ZNF500: variants seen among roughly 807,000 people sequenced by gnomAD.
ZNF500 encodes the protein zinc finger protein 500.
A neutral mutation model predicts 30.1 loss-of-function variants in ZNF500; 31 were observed. That is an observed-to-expected ratio of 1.03 (90% confidence interval 0.77 to 1.39). The LOEUF is 1.39. ZNF500 is among the 40% of genes most tolerant of loss of function. The probability of loss-of-function intolerance (pLI) is 0.00; values close to 1 mark genes in which losing one functional copy is unlikely to be tolerated. For missense variants in ZNF500, 817 were observed against 657.8 expected, an observed-to-expected ratio of 1.24 and a Z score of -2.65; for synonymous variants, 392 against 282.0, an observed-to-expected ratio of 1.39 and a Z score of -3.91.
At chr16:4,755,594 G>A (rs1449241412) in intron 5 of ZNF500, among the ~76,000 whole-genome samples, 2 of 152,196 alleles carry the variant, frequency 1.3e-5, no homozygotes, top group Admixed American at 1.3e-4. Flanking sequence ...TGAGATCACA[G>A]GGGTGAGCCA....
rs180974383 is a variant in ZNF500, at chr16:4,766,023, C to A, written c.-45G>T. 1.3e-6 allele frequency: 2 copies of A among 1,509,882 alleles called. No homozygotes were observed. The highest frequency in any genetic ancestry group is 2.3e-5 in the East Asian group (1 of 44,144). The allele number at this position is 1,509,882 out of a possible 1,614,324, so 93.5% of individuals were successfully genotyped here. A position where few individuals can be genotyped will look rare whatever the true frequency, so the allele number is the denominator to read the frequency against. On this transcript the variant is annotated 5_prime_UTR_variant, in exon 2 of 6. In the 5' UTR this introduces an upstream ATG that the reference lacks. Coordinates refer to ENST00000219478, the MANE Select transcript of ZNF500 (RefSeq NM_021646.4). ...TCCTTTTCAGGCCTTAGAGTTGAAC[C>A]TGTCTCTCTCTATACCTCTGGCCAG...
rs370103184 is a variant in ZNF500 at position 4,752,808 on chromosome 16, C to A, written c.1011G>T (p.Thr337=). 6.2e-7 allele frequency: 1 copy of A among 1,614,246 alleles called. No homozygotes were observed. The highest frequency in any genetic ancestry group is 8.5e-7 in the Non-Finnish European group (1 of 1,180,040). The change falls in exon 6 of 6, where the codon ACG becomes ACT. Residue 337 remains threonine, a synonymous_variant. Coordinates refer to ENST00000219478, the MANE Select transcript of ZNF500 (RefSeq NM_021646.4). The stretch of plus-strand genomic sequence containing the variant: ...TGCGCTGGTGCTTGGTCAAGTGGGA[C>A]GTCTTGCTGAAGCCTTTGCCACATT... ...CPECGKGFSK[T]SHLTKHQRTH...
At position 4,752,422 on chromosome 16, in the gene ZNF500, G is replaced by A. The variant is rs181865961; in HGVS notation, c.1397C>T (p.Pro466Leu). 1.6e-3 allele frequency: 2,522 copies of A among 1,529,440 alleles called. 25 individuals carry two copies. The highest frequency in any genetic ancestry group is 0.013 in the Admixed American group (620 of 48,606). 94.7% of individuals were successfully genotyped at this position (1,529,440 alleles called of 1,614,324 possible). A position where few individuals can be genotyped will look rare whatever the true frequency, so the allele number is the denominator to read the frequency against. The change falls in exon 6 of 6, where the codon CCG becomes CTG. Residue 466 changes from proline (P) to leucine (L), a missense_variant. Physicochemically the swap from Pro to Leu is moderately conservative, Grantham distance 98. Transcript: ENST00000219478. ...QRTHMGAGSL[P>L]TLQPVAPGGP... ...TCCAGGAGCCACCGGCTGGAGCGTC[G>A]GCAAGGAGCCTGCCCCCATGTGGGT... is the stretch of plus-strand genomic sequence containing the variant.
chr16:4,764,637 C>T (rs35606929), intron 2 of ZNF500, among the ~76,000 whole-genome samples: 89,607 of 151,460 alleles, frequency 0.59, 27,878 homozygotes, highest in South Asian at 0.71. Flanking sequence ...AAAAAATTAG[C>T]CGGGCGTGGT....
Position 4,752,551 on chromosome 16 carries a change from T to C in ZNF500, c.1268A>G (p.His423Arg), listed in dbSNP as rs1441849634. Residue 423 changes from histidine (H) to arginine (R), a missense_variant, in exon 6 of 6, where the codon CAC becomes CGC. By Grantham distance (29) the His-to-Arg change is conservative. Transcript: ENST00000219478. Reference protein sequence around the residue: ...QCGKRFNNSSHFSAHRRTHTG... With the variant: ...QCGKRFNNSSRFSAHRRTHTG... ...GTGCGTCCGGCGGTGGGCGCTGAAG[T>C]GCGAGCTGTTGTTGAAGCGCTTCCC... 3 of 1,570,688 alleles carry C rather than the reference T, an allele frequency of 1.9e-6. No homozygotes were observed. Among genetic ancestry groups the C allele is most frequent in the Non-Finnish European group, 2.6e-6 (3 of 1,161,724 alleles).
chr16:4,744,905 G>T (rs765863181), downstream of ZNF500: 1 of 1,613,862 alleles, frequency 6.2e-7, no homozygotes, highest in South Asian at 1.1e-5. Flanking sequence ...CAGGCTCATG[G>T]AACAGCTGGC....
chr16:4,747,753 C>G, downstream of ZNF500: 1 of 1,265,482 alleles, frequency 7.9e-7, no homozygotes, highest in East Asian at 2.6e-5. Context: ...CAGGGACCCT[C>G]AGACTTTGGA....
At chr16:4,754,677 A>T (rs188153951) in intron 5 of ZNF500, among the ~76,000 whole-genome samples, 129 of 151,532 alleles carry the variant, frequency 8.5e-4, no homozygotes, top group Middle Eastern at 6.8e-3. Flanking sequence ...AAAATAAAAA[A>T]AAAAAAAATA....
intron 5 of ZNF500, 92 bp from the exon 6 acceptor site, chr16:4,753,150 T>C: frequency 6.8e-7 from 1 of 1,462,686 alleles, no homozygotes; most frequent in Non-Finnish European, 9.0e-7. Context: ...ACAGGGCTCC[T>C]AAGGTTCCCC....
At position 4,752,914 on chromosome 16, in the gene ZNF500, A is replaced by C; in HGVS notation, c.905T>G (p.Val302Gly). Residue 302 changes from valine to glycine, a missense_variant, in exon 6 of 6, where the codon GTC becomes GGC. By Grantham distance (109) the Val-to-Gly change is moderately radical (BLOSUM62 -3). Coordinates refer to ENST00000219478, the MANE Select transcript of ZNF500 (RefSeq NM_021646.4). The part of the protein sequence containing the change: ...GQRPAPVRGL[V>G]RPDQPRGGPP... ...GCCGCCTCTTGGCTGATCAGGCCTGACCAAGCCCCTGACTGGGGCTGGCCT... is the reference window on the plus strand; with the variant it reads ...GCCGCCTCTTGGCTGATCAGGCCTGCCCAAGCCCCTGACTGGGGCTGGCCT... 6.2e-7 allele frequency: 1 copy of C among 1,613,810 alleles called. No individual in the cohort carries two copies. Among genetic ancestry groups the C allele is most frequent in the Non-Finnish European group, 8.5e-7 (1 of 1,179,976 alleles).
chr16:4,765,665 T>C lies in ZNF500; in HGVS notation c.314A>G (p.Glu105Gly), dbSNP rs2082256910. 6.2e-7 allele frequency: 1 copy of C among 1,613,366 alleles called. No homozygotes were observed. The highest frequency in any genetic ancestry group is 8.5e-7 in the Non-Finnish European group (1 of 1,179,946). ...CTGCTCGCGTACCCGAGCCTGGATC[T>C]CCCCCGGCAGCACAGTCAGGAACTG... Reference protein sequence around the residue: ...LEQFLTVLPGEIQARVREQQP... With the variant: ...LEQFLTVLPGGIQARVREQQP... The change falls in exon 2 of 6, where the codon GAG becomes GGG. Residue 105 changes from glutamate (E) to glycine (G), a missense_variant. Transcript: ENST00000219478.
chr16:4,763,647 G>C (rs2082232126), intron 2 of ZNF500: 2 of 985,284 alleles, frequency 2.0e-6, no homozygotes, highest in African/African-American at 3.5e-5. Flanking sequence ...AGCACAGCCT[G>C]CCCCTCTCAG....
Position 4,752,967 on chromosome 16 carries a change from CT to C in ZNF500, c.851del (p.Gln284ArgfsTer57). 6.2e-7 allele frequency: 1 copy of C among 1,608,092 alleles called. No homozygotes were observed. The highest frequency in any genetic ancestry group is 8.5e-7 in the Non-Finnish European group (1 of 1,177,470). ...GACCTGGGAGCGGGTGGCCAGGCCC[CT>C]GGCATCGTGCCGAGAGCACTCGGTA... Reference protein sequence around the residue: ...EWYRVLSARCQGPGHPLPGQR... With the variant: ...EWYRVLSARCXGPGHPLPGQR... On this transcript the variant is annotated frameshift_variant, in exon 6 of 6. Coordinates refer to ENST00000219478, the MANE Select transcript of ZNF500 (RefSeq NM_021646.4). LOFTEE classifies it low-confidence loss of function (END_TRUNC).
downstream of ZNF500, chr16:4,747,774 C>A: frequency 3.0e-6 from 3 of 1,016,600 alleles, no homozygotes; most frequent in Non-Finnish European, 4.2e-6. Flanking sequence ...CTGTTGCCCA[C>A]CCTGTTAGAG....
intron 5 of ZNF500, chr16:4,758,268 G>A (rs1447073667): frequency 2.0e-5 from 3 of 151,872 alleles, no homozygotes; most frequent in Admixed American, 2.0e-4. Context: ...TTTACCATAG[G>A]CTCTGGCGCC....
At chr16:4,746,781 T>A (rs2082022701), downstream of ZNF500, 1 of 815,052 alleles carries the variant, frequency 1.2e-6, no homozygotes, top group Admixed American at 3.2e-5. Context: ...TGTCCTCACC[T>A]CCTGGCAGGA....
At chr16:4,756,776 A>ATGGATC (rs2082139406) in intron 5 of ZNF500, 1 of 152,144 alleles carries the variant, frequency 6.6e-6, no homozygotes, top group African/African-American at 2.4e-5. Flanking sequence ...TTGGCCTCCC[A>ATGGATC]AAGTGCTGGG....
intron 4 of ZNF500, among the ~76,000 whole-genome samples, chr16:4,761,886 A>C (rs987384521): frequency 6.7e-6 from 1 of 149,754 alleles, no homozygotes; most frequent in Non-Finnish European, 1.5e-5. Context: ...CAAACAAACA[A>C]AAACCCCAAA....
At chr16:4,753,104 C>A in intron 5 of ZNF500, 46 bp from the exon 6 acceptor site, 1 of 1,496,506 alleles carries the variant, frequency 6.7e-7, no homozygotes, top group East Asian at 2.3e-5. Context: ...AGCAAGAGGG[C>A]AAGGGAAATC....
Sources: gnomAD v4.1 joint callset for allele counts (sites outside exome capture counted in the v4.1 genomes callset) on GRCh38, gnomAD v4.1.1 for gene constraint, MANE v1.5 for transcripts, NCBI Gene and HGNC (gene_info 2026-07-23, HGNC 2026-07-21) for gene names.